ASTN1: variants seen among roughly 807,000 people sequenced by gnomAD.
The protein encoded by ASTN1 is astrotactin-1.
ASTN1 carries 41 observed loss-of-function variants against 140.7 expected under a neutral mutation model. The ratio of observed to expected loss-of-function variants is 0.29; its 90% CI spans 0.23 to 0.38. The LOEUF (loss-of-function observed/expected upper bound fraction) is 0.38. Among genes scored for constraint, ASTN1 ranks in the 10% least tolerant of loss-of-function variants. The pLI, the probability that ASTN1 is intolerant of heterozygous loss-of-function variation, is 1.00. For missense variants in ASTN1, 1,479 were observed against 1,678.8 expected (o/e 0.88, Z 2.08); for synonymous variants, 640 against 652.2 (o/e 0.98, Z 0.29).
At chr1:176,906,270 A>G (rs1224125820) in intron 16 of ASTN1, among the ~76,000 whole-genome samples, 1 of 152,202 alleles carries the variant, frequency 6.6e-6, no homozygotes, top group Non-Finnish European at 1.5e-5. Context: ...AAGGGTTGTC[A>G]CATGGAGACA....
At position 176,946,062 on chromosome 1, in the gene ASTN1, T is replaced by A. The variant is rs753631050; in HGVS notation, c.2113A>T (p.Thr705Ser). The change falls in exon 13 of 23, where the codon ACC becomes TCC. Residue 705 changes from threonine (T) to serine (S), a missense_variant. Physicochemically the swap from Thr to Ser is moderately conservative, Grantham distance 58 (BLOSUM62 1). Around this residue, in one of 3 missense-constraint regions of ASTN1, gnomAD observed 746 missense variants for 800.9 expected, o/e 0.93. Coordinates refer to ENST00000361833, the MANE Select transcript of ASTN1 (RefSeq NM_004319.3). ...DGRSCQLITE[T>S]CPEGSDCGES... ...CCACAGTCACTTCCCTCTGGACAGG[T>A]CTCCGTGATGAGTTGGCAAGAGCGT... 2.5e-6 allele frequency: 4 copies of A among 1,613,946 alleles called. No homozygotes were observed. The highest frequency in any genetic ancestry group is 3.4e-6 in the Non-Finnish European group (4 of 1,179,886).
At chr1:177,103,704 T>C (rs1214810897) in intron 1 of ASTN1, among the ~76,000 whole-genome samples, 2 of 152,116 alleles carry the variant, frequency 1.3e-5, no homozygotes, top group African/African-American at 4.8e-5. Flanking sequence ...AACAACCTCC[T>C]AGACCCTGAG....
chr1:177,106,260 T>G (rs1156263415), intron 1 of ASTN1, among the ~76,000 whole-genome samples: 1 of 152,208 alleles, frequency 6.6e-6, no homozygotes, highest in Non-Finnish European at 1.5e-5. Context: ...TTAAATGTTG[T>G]TGCTTTTCCC....
intron 2 of ASTN1, among the ~76,000 whole-genome samples, chr1:177,056,675 C>T (rs1265182545): frequency 1.3e-5 from 2 of 151,854 alleles, no homozygotes; most frequent in Non-Finnish European, 2.9e-5. Context: ...TCTATTAACA[C>T]TGCCATCTTT....
intron 1 of ASTN1, among the ~76,000 whole-genome samples, chr1:177,103,435 C>T (rs891896222): frequency 6.6e-6 from 1 of 152,056 alleles, no homozygotes; most frequent in Admixed American, 6.6e-5. Context: ...CAGGATAGGG[C>T]ACTGGGCGAA....
At chr1:177,076,348 C>T (rs1218994503) in intron 1 of ASTN1, among the ~76,000 whole-genome samples, 1 of 150,940 alleles carries the variant, frequency 6.6e-6, no homozygotes, top group Non-Finnish European at 1.5e-5. Flanking sequence ...ATCCCTCACA[C>T]CATGCACCGT....
intron 1 of ASTN1, among the ~76,000 whole-genome samples, chr1:177,126,078 T>G (rs1681631734): frequency 6.6e-6 from 1 of 152,222 alleles, no homozygotes; most frequent in African/African-American, 2.4e-5. Flanking sequence ...AAAAATGTCT[T>G]CCACCTATTT....
chr1:177,127,842 T>G (rs1320422869), intron 1 of ASTN1, among the ~76,000 whole-genome samples: 2 of 152,242 alleles, frequency 1.3e-5, no homozygotes, highest in Non-Finnish European at 2.9e-5. Context: ...CAGCGTCCTG[T>G]ACGCATATGA....
At chr1:177,132,676 G>A (rs1261301704) in intron 1 of ASTN1, among the ~76,000 whole-genome samples, 4 of 152,118 alleles carry the variant, frequency 2.6e-5, no homozygotes, top group Non-Finnish European at 5.9e-5. Context: ...CAAAGGCCCT[G>A]ACAGAAAAAA....
In ASTN1 at chr1:177,151,075, G is replaced by A. The variant is rs76006494; in HGVS notation, c.283+13319C>T. On this transcript the variant is annotated intron_variant, in intron 1 of 22. Coordinates refer to ENST00000361833, the MANE Select transcript of ASTN1 (RefSeq NM_004319.3). ...GGGGCAGTACTAAGCACATTGGTGA[G>A]TGGCCTGGAAGATGGTAAATACAGG... Among the ~76,000 whole-genome samples, 878 of 152,246 alleles carry A rather than the reference G, an allele frequency of 5.8e-3. 8 individuals carry two copies. Among genetic ancestry groups the A allele is most frequent in the African/African-American group, 0.02 (841 of 41,548 alleles).
chr1:177,052,340 G>A (rs182762105), intron 2 of ASTN1, among the ~76,000 whole-genome samples: 1 of 152,198 alleles, frequency 6.6e-6, no homozygotes, highest in Admixed American at 6.5e-5. Flanking sequence ...TATTTAATGG[G>A]TACTTCCCTA....
At chr1:176,915,458 C>T (rs780408233) in intron 16 of ASTN1, among the ~76,000 whole-genome samples, 1 of 152,214 alleles carries the variant, frequency 6.6e-6, no homozygotes, top group Non-Finnish European at 1.5e-5. Context: ...CAAAAGCAGA[C>T]TTTCCCAGCA....
chr1:177,082,693 A>G (rs2102079869), intron 1 of ASTN1, among the ~76,000 whole-genome samples: 1 of 152,292 alleles, frequency 6.6e-6, no homozygotes, highest in East Asian at 1.9e-4. Context: ...TGTTTTTGAT[A>G]CAAACCAGAA....
chr1:177,139,806 C>T (rs1269053580), intron 1 of ASTN1, among the ~76,000 whole-genome samples: 5 of 152,128 alleles, frequency 3.3e-5, no homozygotes, highest in South Asian at 2.1e-4. Context: ...CATTCCCAAC[C>T]GGATGGGTCA....
At chr1:176,925,345 C>T (rs1350271846) in intron 16 of ASTN1, among the ~76,000 whole-genome samples, 1 of 152,138 alleles carries the variant, frequency 6.6e-6, no homozygotes, top group Non-Finnish European at 1.5e-5. Flanking sequence ...AATATATAGA[C>T]TTGTTATACA....
chr1:176,986,877 A>G (rs1419355477), intron 8 of ASTN1, among the ~76,000 whole-genome samples: 3 of 152,226 alleles, frequency 2.0e-5, no homozygotes, highest in Non-Finnish European at 2.9e-5. Context: ...TAAGTACTAT[A>G]TAAGTACCTG....
At chr1:176,911,721 GC>G in intron 16 of ASTN1, among the ~76,000 whole-genome samples, 1 of 152,090 alleles carries the variant, frequency 6.6e-6, no homozygotes, top group Non-Finnish European at 1.5e-5. Flanking sequence ...TGGAAGACCT[GC>G]CTGAAGCTGT....
At chr1:177,029,206 T>C (rs1676290539) in intron 5 of ASTN1, among the ~76,000 whole-genome samples, 1 of 152,208 alleles carries the variant, frequency 6.6e-6, no homozygotes, top group Admixed American at 6.5e-5. Flanking sequence ...ATTCCTCAAC[T>C]ACACTGCCCC....
At position 176,942,820 on chromosome 1, in the gene ASTN1, G is replaced by GTATATATA. The variant is rs148722284; in HGVS notation, c.2377+1063_2377+1070dup. Reference sequence around the variant, plus strand: ...CCAAACCAATGTACTTTGTGTGTGTGTATATATATATATATGTATATATAT... The same window carrying GTATATATA: ...CCAAACCAATGTACTTTGTGTGTGTGTATATATATATATATATATATATGTATATATAT... On this transcript the variant is annotated intron_variant, in intron 14 of 22. Coordinates refer to ENST00000361833, the MANE Select transcript of ASTN1 (RefSeq NM_004319.3). Among the ~76,000 whole-genome samples, 103 of 25,304 alleles carry GTATATATA rather than the reference G, an allele frequency of 4.1e-3. 21 individuals are homozygous for GTATATATA. The highest frequency in any genetic ancestry group is 6.5e-3 in the Non-Finnish European group (81 of 12,422). The allele number at this position is 25,304 out of a possible 152,430, so 16.6% of individuals were successfully genotyped here.
Sources: gnomAD v4.1 joint callset for allele counts (sites outside exome capture counted in the v4.1 genomes callset) on GRCh38, gnomAD v4.1.1 for gene constraint, gnomAD v4.1.1 regional missense constraint, MANE v1.5 for transcripts, NCBI Gene and HGNC (gene_info 2026-07-23, HGNC 2026-07-21) for gene names.